Variants in CFTR observed in about 807,000 individuals in gnomAD.
CFTR encodes the protein cystic fibrosis transmembrane conductance regulator.
A neutral mutation model predicts 171.6 loss-of-function variants in CFTR; 181 were observed. The ratio of observed to expected loss-of-function variants is 1.05; its 90% CI spans 0.93 to 1.19. The LOEUF (loss-of-function observed/expected upper bound fraction) is 1.19, where lower values mean the gene tolerates loss of function less well. CFTR is among the 50% of genes most tolerant of loss of function. The probability of loss-of-function intolerance (pLI) is 0.00; values close to 1 mark genes in which losing one functional copy is unlikely to be tolerated. For synonymous variants in CFTR, 583 were observed against 608.0 expected, an observed-to-expected ratio of 0.96 and a Z score of 0.60; for missense variants, 1,968 against 1,734.7, an observed-to-expected ratio of 1.13 and a Z score of -2.39.
chr7:117,590,309 G>T, intron 12 of CFTR, 44 bp from the exon 13 acceptor site: 1 of 1,587,468 alleles, frequency 6.3e-7, no homozygotes, highest in Non-Finnish European at 8.6e-7. Context: ...TAGATGACCA[G>T]GAAATAGAGA....
chr7:117,661,734 G>C (rs760268829), intron 24 of CFTR, among the ~76,000 whole-genome samples: 6 of 152,096 alleles, frequency 3.9e-5, no homozygotes, highest in Non-Finnish European at 7.4e-5. Flanking sequence ...CTGTACATTA[G>C]GTACTTACCA....
chr7:117,567,925 A>G (rs1791629070), intron 11 of CFTR, among the ~76,000 whole-genome samples: 2 of 152,214 alleles, frequency 1.3e-5, no homozygotes, highest in African/African-American at 4.8e-5. Context: ...AAGGTCAGGA[A>G]AGATTTCCCT....
intron 1 of CFTR, among the ~76,000 whole-genome samples, chr7:117,489,080 T>A (rs1798117593): frequency 6.6e-6 from 1 of 152,070 alleles, no homozygotes; most frequent in African/African-American, 2.4e-5. Context: ...ACAGGTAATA[T>A]TTAGTCTGAA....
At chr7:117,579,636 G>A (rs1791822026) in intron 11 of CFTR, among the ~76,000 whole-genome samples, 1 of 148,658 alleles carries the variant, frequency 6.7e-6, no homozygotes, top group African/African-American at 2.5e-5. Context: ...AGAAATTTAT[G>A]AATAAGATTT....
At chr7:117,492,492 G>A (rs1168385960) in intron 1 of CFTR, among the ~76,000 whole-genome samples, 1 of 151,860 alleles carries the variant, frequency 6.6e-6, no homozygotes, top group Non-Finnish European at 1.5e-5. Context: ...TTCAATTTCT[G>A]CTCTGTTCCA....
chr7:117,548,333 G>GGTGTGTGTGT (rs3034794), intron 9 of CFTR, among the ~76,000 whole-genome samples: 2,352 of 144,140 alleles, frequency 0.016, 39 homozygotes, highest in African/African-American at 0.037. Context: ...AGGAGAAGAG[G>GGTGTGTGTGT]GTGTGTGTGT....
chr7:117,659,608 A>G (rs1157248264), intron 24 of CFTR, among the ~76,000 whole-genome samples: 2 of 152,206 alleles, frequency 1.3e-5, no homozygotes, highest in East Asian at 3.9e-4. Flanking sequence ...GCAGAGCTGC[A>G]TCACCCCTGT....
chr7:117,635,550 C>T (rs185605967), intron 22 of CFTR, among the ~76,000 whole-genome samples: 1 of 151,704 alleles, frequency 6.6e-6, no homozygotes, highest in Admixed American at 6.6e-5. Flanking sequence ...TTTTTCTTTC[C>T]ATTGTGGTTT....
At chr7:117,618,025 T>C (rs1792519834) in intron 21 of CFTR, among the ~76,000 whole-genome samples, 1 of 152,148 alleles carries the variant, frequency 6.6e-6, no homozygotes, top group Admixed American at 6.5e-5. Flanking sequence ...ATTTATGCCA[T>C]GGACAAATTA....
At chr7:117,661,847 T>C (rs758188003) in intron 24 of CFTR, among the ~76,000 whole-genome samples, 15 of 152,040 alleles carry the variant, frequency 9.9e-5, no homozygotes, top group Non-Finnish European at 2.1e-4. Flanking sequence ...TTTTTACATA[T>C]GAGATAAATG....
rs779344666 is a variant in CFTR, at chr7:117,592,264, T to A, written c.2097T>A (p.Asn699Lys). The A allele has an allele frequency of 1.9e-6, 3 of 1,613,888 alleles. No individual in the cohort carries two copies. In the South Asian group the frequency reaches 3.3e-5, roughly 18 times the overall value. Residue 699 changes from asparagine to lysine, a missense_variant, in exon 14 of 27, where the codon AAT becomes AAA. Physicochemically the swap from Asn to Lys is moderately conservative, Grantham distance 94. Coordinates refer to ENST00000003084, the MANE Select transcript of CFTR (RefSeq NM_000492.4). ...QTGEFGEKRK[N>K]SILNPINSIR... is the part of the protein sequence containing the mutation. ...GAGAGTTTGGGGAAAAAAGGAAGAA[T>A]TCTATTCTCAATCCAATCAACTCTA...
chr7:117,665,153 AT>A (rs1793352558), intron 25 of CFTR, among the ~76,000 whole-genome samples: 1 of 152,222 alleles, frequency 6.6e-6, no homozygotes, highest in East Asian at 1.9e-4. Context: ...TTGCCTTTGT[AT>A]CCCATTTATA....
intron 21 of CFTR, 114 bp from the exon 22 acceptor site, chr7:117,627,408 C>G: frequency 9.2e-7 from 1 of 1,088,042 alleles, no homozygotes; most frequent in Non-Finnish European, 1.4e-6. Flanking sequence ...GACAAATAAC[C>G]AAGTGACAAA....
At chr7:117,638,736 CATAAATAAATAA>C (rs201930686) in intron 22 of CFTR, among the ~76,000 whole-genome samples, 21 of 145,110 alleles carry the variant, frequency 1.4e-4, no homozygotes, top group Admixed American at 2.7e-4. Flanking sequence ...AACTCCATCT[CATAAATAAATAA>C]ATAAATAAAT....
chr7:117,514,486 T>G (rs1014502669), intron 3 of CFTR, among the ~76,000 whole-genome samples: 2 of 152,176 alleles, frequency 1.3e-5, no homozygotes, highest in African/African-American at 4.8e-5. Context: ...AAGGACATGA[T>G]CTCATTCCTT....
intron 18 of CFTR, among the ~76,000 whole-genome samples, chr7:117,609,103 T>C (rs1441998351): frequency 6.6e-6 from 1 of 152,202 alleles, no homozygotes; most frequent in African/African-American, 2.4e-5. Context: ...TACCCATGGT[T>C]CTGTTCTTTG....
intron 1 of CFTR, among the ~76,000 whole-genome samples, chr7:117,500,923 G>T (rs34484276): frequency 0.015 from 2,240 of 152,284 alleles, 57 homozygotes; most frequent in African/African-American, 0.051. Context: ...AATGGGCACA[G>T]ATAACACAGG....
chr7:117,582,978 A>G (rs1791870279), intron 11 of CFTR, among the ~76,000 whole-genome samples: 1 of 152,152 alleles, frequency 6.6e-6, no homozygotes, highest in Admixed American at 6.6e-5. Context: ...CATATGGGAA[A>G]GAAGGAGGGG....
intron 11 of CFTR, among the ~76,000 whole-genome samples, chr7:117,578,795 A>G (rs1562904016): frequency 6.6e-6 from 1 of 152,148 alleles, no homozygotes; most frequent in Non-Finnish European, 1.5e-5. Context: ...CTTTTAAGCT[A>G]AATTTAACAC....
Sources: allele counts gnomAD v4.1 joint callset (sites outside exome capture counted in the v4.1 genomes callset), GRCh38; gene constraint gnomAD v4.1.1; transcripts MANE v1.5; gene names NCBI Gene and HGNC (gene_info 2026-07-23, HGNC 2026-07-21).